Variants in NEGR1 observed in about 807,000 individuals in gnomAD.
NEGR1 encodes the protein IgLON family member 4.
In NEGR1, 10 loss-of-function variants were observed where a neutral mutation model predicts 40.9. That is an observed-to-expected ratio of 0.24 (90% CI 0.15 to 0.42). The LOEUF is 0.42. NEGR1 is among the 10% of genes least tolerant of loss of function. The probability of loss-of-function intolerance (pLI) is 1.00; values close to 1 mark genes in which losing one functional copy is unlikely to be tolerated. For synonymous variants in NEGR1, 185 were observed against 166.8 expected (o/e 1.11, Z -0.84); for missense variants, 352 against 438.9 (o/e 0.80, Z 1.77).
At chr1:71,663,740 T>C (rs1652146791) in intron 4 of NEGR1, among the ~76,000 whole-genome samples, 1 of 152,188 alleles carries the variant, frequency 6.6e-6, no homozygotes, top group Non-Finnish European at 1.5e-5. Flanking sequence ...CCTTCATACA[T>C]GATTGATAGT....
intron 1 of NEGR1, among the ~76,000 whole-genome samples, chr1:72,199,038 A>T (rs1024303424): frequency 2.2e-4 from 34 of 151,914 alleles, no homozygotes; most frequent in African/African-American, 8.0e-4. Flanking sequence ...TAAGCCTCAG[A>T]ATTTATCTGG....
At chr1:72,047,158 A>G (rs989342367) in intron 1 of NEGR1, among the ~76,000 whole-genome samples, 1 of 151,086 alleles carries the variant, frequency 6.6e-6, no homozygotes, top group Non-Finnish European at 1.5e-5. Flanking sequence ...TTGTGCCAGC[A>G]ATCTGTTCTT....
At chr1:72,269,131 G>GA (rs1456256832) in intron 1 of NEGR1, among the ~76,000 whole-genome samples, 1 of 151,622 alleles carries the variant, frequency 6.6e-6, no homozygotes, top group East Asian at 1.9e-4. Context: ...CCAGCTAGCA[G>GA]AAAAAGGCAA....
intron 3 of NEGR1, among the ~76,000 whole-genome samples, chr1:71,714,469 C>T (rs1482909247): frequency 6.6e-6 from 1 of 152,170 alleles, no homozygotes; most frequent in Non-Finnish European, 1.5e-5. Flanking sequence ...AAGTCTGAAT[C>T]CAAAGTCTCA....
rs192483884 is a variant in NEGR1 at position 72,053,905 on chromosome 1, G to A, written c.177-118594C>T. ...TAAAAAAAAAAACTCACACATATCA[G>A]AACCTCAACTAGATGTTTGTTGAAC... On this transcript the variant is annotated intron_variant, in intron 1 of 6. Transcript: ENST00000357731. 2.6e-3 allele frequency among the ~76,000 whole-genome samples: 387 copies of A among 149,630 alleles called. 5 individuals carry two copies. The South Asian group carries it at 0.038, about 15-fold the overall frequency.
At chr1:72,117,717 C>A (rs1372358831) in intron 1 of NEGR1, among the ~76,000 whole-genome samples, 5 of 151,790 alleles carry the variant, frequency 3.3e-5, no homozygotes, top group Non-Finnish European at 7.4e-5. Flanking sequence ...AAATAAATAT[C>A]TCTTTTTGGT....
intron 1 of NEGR1, among the ~76,000 whole-genome samples, chr1:72,259,211 A>G (rs747719132): frequency 4.6e-5 from 7 of 152,158 alleles, no homozygotes; most frequent in African/African-American, 7.2e-5. Context: ...AAATTACATT[A>G]AAAACAAGGA....
At chr1:72,076,248 T>G (rs1165868471) in intron 1 of NEGR1, among the ~76,000 whole-genome samples, 1 of 152,044 alleles carries the variant, frequency 6.6e-6, no homozygotes, top group Non-Finnish European at 1.5e-5. Flanking sequence ...AGAGTCCTCA[T>G]GATAGGAATT....
intron 1 of NEGR1, among the ~76,000 whole-genome samples, chr1:72,044,343 A>AG (rs896216011): frequency 6.6e-6 from 1 of 151,242 alleles, no homozygotes; most frequent in African/African-American, 2.4e-5. Flanking sequence ...AAAAAAAAAA[A>AG]AAGAAGAGAA....
intron 2 of NEGR1, among the ~76,000 whole-genome samples, chr1:71,911,832 C>T (rs1484869047): frequency 1.3e-5 from 2 of 152,090 alleles, no homozygotes; most frequent in African/African-American, 4.8e-5. Context: ...TTAACTTGAG[C>T]CTTGGTTTTG....
chr1:71,800,369 AT>A (rs1450399335), intron 2 of NEGR1, among the ~76,000 whole-genome samples: 2 of 151,972 alleles, frequency 1.3e-5, no homozygotes, highest in Non-Finnish European at 2.9e-5. Flanking sequence ...CCATTTGTCA[AT>A]TTTGGCTTTT....
At chr1:71,445,323 C>T (rs1180110462) in intron 6 of NEGR1, among the ~76,000 whole-genome samples, 1 of 150,220 alleles carries the variant, frequency 6.7e-6, no homozygotes, top group African/African-American at 2.5e-5. Context: ...AAAAAAATAG[C>T]TTACACTGTC....
chr1:72,255,221 G>A (rs1205936990), intron 1 of NEGR1, among the ~76,000 whole-genome samples: 1 of 152,078 alleles, frequency 6.6e-6, no homozygotes, highest in African/African-American at 2.4e-5. Context: ...AATCTATTAT[G>A]CACACCATTA....
At chr1:71,654,084 C>T (rs75254387) in intron 4 of NEGR1, among the ~76,000 whole-genome samples, 1,887 of 152,072 alleles carry the variant, frequency 0.012, 36 homozygotes, top group African/African-American at 0.043. Flanking sequence ...GCGAAAGAAG[C>T]CAGTCTGTAA....
intron 1 of NEGR1, among the ~76,000 whole-genome samples, chr1:71,936,708 G>C (rs1645908639): frequency 6.6e-6 from 1 of 152,194 alleles, no homozygotes; most frequent in Non-Finnish European, 1.5e-5. Flanking sequence ...TCCACATGAT[G>C]ATGACAAGCG....
intron 3 of NEGR1, among the ~76,000 whole-genome samples, chr1:71,747,894 G>A (rs1199477054): frequency 2.7e-5 from 4 of 150,542 alleles, no homozygotes; most frequent in Non-Finnish European, 4.4e-5. Flanking sequence ...CAAAGTTTTA[G>A]GGAAAAAAAT....
intron 4 of NEGR1, among the ~76,000 whole-genome samples, chr1:71,622,866 G>C (rs1293302744): frequency 6.6e-6 from 1 of 151,832 alleles, no homozygotes; most frequent in Non-Finnish European, 1.5e-5. Context: ...TAAATCCAAA[G>C]GCAGAAGGGA....
intron 1 of NEGR1, among the ~76,000 whole-genome samples, chr1:72,194,592 T>C (rs1652935991): frequency 6.6e-6 from 1 of 151,998 alleles, no homozygotes; most frequent in African/African-American, 2.4e-5. Context: ...GGAAGCTCCT[T>C]AACCTCACAG....
At chr1:71,555,494 A>G (rs1229581617) in intron 6 of NEGR1, among the ~76,000 whole-genome samples, 1 of 151,640 alleles carries the variant, frequency 6.6e-6, no homozygotes. Flanking sequence ...ATATATAAAG[A>G]TGGCATGCAT....
Sources: gnomAD v4.1 joint callset for allele counts (sites outside exome capture counted in the v4.1 genomes callset) on GRCh38, gnomAD v4.1.1 for gene constraint, MANE v1.5 for transcripts, NCBI Gene and HGNC (gene_info 2026-07-23, HGNC 2026-07-21) for gene names.